EML6: variants seen among roughly 807,000 people sequenced by gnomAD.
The protein encoded by EML6 is echinoderm microtubule-associated protein-like 6.
A neutral mutation model predicts 240.1 loss-of-function variants in EML6; 154 were observed. That is an observed-to-expected ratio of 0.64 (90% confidence interval 0.56 to 0.73). EML6 has a LOEUF of 0.73. Among genes scored for constraint, EML6 ranks in the 30% least tolerant of loss-of-function variants. EML6 has a pLI of 0.00. For synonymous variants in EML6, 1,148 were observed against 899.0 expected, an observed-to-expected ratio of 1.28 and a Z score of -4.95; for missense variants, 2,964 against 2,474.6, an observed-to-expected ratio of 1.20 and a Z score of -4.20.
chr2:54,776,965 AC>A (rs1231614432), intron 2 of EML6, among the ~76,000 whole-genome samples: 1 of 152,278 alleles, frequency 6.6e-6, no homozygotes, highest in South Asian at 2.1e-4. Flanking sequence ...TTTAAAAAAA[AC>A]ACCTTTGATT....
In EML6 at chr2:54,962,535, G is replaced by A. The variant is rs1176336719; in HGVS notation, c.4981G>A (p.Val1661Met). The change falls in exon 36 of 42, where the codon GTG becomes ATG. Residue 1661 changes from valine (V) to methionine (M), a missense_variant. Transcript: ENST00000356458. ...TCAATTACAACAGGGAAAAATCTTA[G>A]TGGGAACCAAAGACGGAGAAATAAT... is the stretch of plus-strand genomic sequence containing the variant. ...SVCRGKGKIL[V>M]GTKDGEIIEV... is the part of the protein sequence containing the mutation. 4.5e-6 allele frequency: 7 copies of A among 1,545,252 alleles called. No homozygotes were observed. The Admixed American group carries it at 1.4e-4, about 31-fold the overall frequency.
intron 2 of EML6, among the ~76,000 whole-genome samples, chr2:54,799,877 C>G (rs754210062): frequency 6.6e-5 from 10 of 152,108 alleles, no homozygotes; most frequent in Admixed American, 1.3e-4. Context: ...GCTCTCTGAC[C>G]TTTGCTAGAA....
intron 2 of EML6, among the ~76,000 whole-genome samples, chr2:54,806,053 A>G (rs1468755883): frequency 6.6e-6 from 1 of 152,146 alleles, no homozygotes; most frequent in Non-Finnish European, 1.5e-5. Context: ...TTTAATAAAG[A>G]CTTTAAGCAG....
At chr2:54,967,637 G>A (rs765328711) in intron 39 of EML6, among the ~76,000 whole-genome samples, 2 of 151,936 alleles carry the variant, frequency 1.3e-5, no homozygotes, top group Admixed American at 1.3e-4. Context: ...AGGCAGAGGG[G>A]GAACAGTAAG....
intron 28 of EML6, among the ~76,000 whole-genome samples, chr2:54,932,771 C>T (rs765009267): frequency 9.8e-5 from 15 of 152,286 alleles, no homozygotes; most frequent in South Asian, 4.1e-4. Flanking sequence ...TTCCCCAATT[C>T]GTCAAGTGAT....
At chr2:54,788,005 C>A (rs958891333) in intron 2 of EML6, among the ~76,000 whole-genome samples, 1 of 152,114 alleles carries the variant, frequency 6.6e-6, no homozygotes, top group Non-Finnish European at 1.5e-5. Flanking sequence ...CAGCACACCC[C>A]ACAGCTGTTG....
intron 18 of EML6, 70 bp from the exon 19 acceptor site, chr2:54,892,384 G>A: frequency 1.0e-6 from 1 of 986,400 alleles, no homozygotes; most frequent in South Asian, 1.5e-5. Flanking sequence ...TCTCATGGAA[G>A]TAGTCCTTCT....
intron 2 of EML6, among the ~76,000 whole-genome samples, chr2:54,756,201 T>G (rs1038838485): frequency 5.3e-5 from 8 of 152,038 alleles, no homozygotes; most frequent in African/African-American, 1.7e-4. Context: ...GTGGGTGAAA[T>G]TTAGGGCTTA....
At chr2:54,924,420 A>G (rs1277211011) in intron 26 of EML6, among the ~76,000 whole-genome samples, 5 of 152,110 alleles carry the variant, frequency 3.3e-5, no homozygotes, top group Admixed American at 3.3e-4. Context: ...CCATTGTTTT[A>G]AATTATCTTT....
intron 23 of EML6, 42 bp from the exon 24 acceptor site, chr2:54,903,329 A>G (rs778239937): frequency 5.6e-5 from 87 of 1,543,062 alleles, no homozygotes; most frequent in Non-Finnish European, 7.2e-5. Context: ...GTAAATTCCT[A>G]TATAAAATGC....
rs929130183 is a variant in EML6, at chr2:54,809,853, A to G, written c.198-3379A>G. 1.1e-4 allele frequency among the ~76,000 whole-genome samples: 16 copies of G among 152,170 alleles called. 1 individual carries two copies. The highest frequency in any genetic ancestry group is 6.5e-4 in the Admixed American group (10 of 15,272). ...CAAATTTAAAATAGAAGTAAATGCC[A>G]TTTGGCTGTGCCCTGGATGAGACAT... On this transcript the variant is annotated intron_variant, in intron 2 of 41. Coordinates refer to ENST00000356458, the MANE Select transcript of EML6 (RefSeq NM_001039753.4).
Position 54,899,617 on chromosome 2 carries a change from G to A in EML6, c.2983-24G>A, listed in dbSNP as rs764838421. On this transcript the variant is annotated intron_variant, in intron 21 of 41. Transcript: ENST00000356458. ...GCCAAACAGCATAAGTAGAGTTTAT[G>A]TTGCCCCTTTTCCTCTCCCACAGGG... The A allele has an allele frequency of 2.1e-5, 32 of 1,550,384 alleles. No homozygotes were observed. In the African/African-American group the frequency reaches 4.0e-4, roughly 19 times the overall value.
intron 2 of EML6, among the ~76,000 whole-genome samples, chr2:54,810,509 CAAG>C (rs1553383856): frequency 6.6e-6 from 1 of 152,178 alleles, no homozygotes; most frequent in Non-Finnish European, 1.5e-5. Context: ...TTCAGAATCT[CAAG>C]AATCTAACAA....
chr2:54,884,276 G>C (rs1294539306), intron 17 of EML6, among the ~76,000 whole-genome samples: 1 of 152,152 alleles, frequency 6.6e-6, no homozygotes, highest in Non-Finnish European at 1.5e-5. Context: ...ACGTAGGAAG[G>C]GGCACAGAGC....
intron 8 of EML6, among the ~76,000 whole-genome samples, chr2:54,846,129 T>C (rs1159189490): frequency 6.6e-6 from 1 of 152,158 alleles, no homozygotes; most frequent in Non-Finnish European, 1.5e-5. Context: ...GCAGTGACTG[T>C]GCTTACTGGC....
rs1471492563 is a variant in EML6, at chr2:54,725,152, A to G, written c.91A>G (p.Thr31Ala). Residue 31 changes from threonine to alanine, a missense_variant, in exon 2 of 42, where the codon ACG (threonine) becomes GCG (alanine). By Grantham distance (58) the Thr-to-Ala change is moderately conservative (BLOSUM62 0). Transcript: ENST00000356458. The surrounding 1 kb of genome is among the most constrained non-coding windows in gnomAD (Gnocchi z 4.3). ...CCAGTGCCGCAACAACCTGTACTACACGGCAGGCAAGGAGGTGGTCTACTT... is the reference window on the plus strand; with the variant it reads ...CCAGTGCCGCAACAACCTGTACTACGCGGCAGGCAAGGAGGTGGTCTACTT... Reference protein sequence around the residue: ...GHQCRNNLYYTAGKEVVYFVA... With the variant: ...GHQCRNNLYYAAGKEVVYFVA... The G allele has an allele frequency of 2.6e-6, 4 of 1,536,690 alleles. No homozygotes were observed. Among genetic ancestry groups the G allele is most frequent in the East Asian group, 5.2e-5 (2 of 38,224 alleles).
At chr2:54,875,780 G>A (rs768778363) in intron 16 of EML6, among the ~76,000 whole-genome samples, 4 of 152,138 alleles carry the variant, frequency 2.6e-5, no homozygotes, top group Non-Finnish European at 5.9e-5. Context: ...TTTTTGTTTT[G>A]TGCTTGCCGT....
intron 7 of EML6, among the ~76,000 whole-genome samples, chr2:54,835,794 C>T (rs1318205372): frequency 2.0e-5 from 3 of 152,006 alleles, no homozygotes; most frequent in Non-Finnish European, 4.4e-5. Flanking sequence ...TGGATAGAGG[C>T]CAGGGAAGCT....
intron 38 of EML6, 32 bp downstream of exon 38, chr2:54,964,765 A>T: frequency 1.3e-6 from 2 of 1,546,336 alleles, no homozygotes; most frequent in Non-Finnish European, 1.8e-6. Context: ...ATCTGGGGCA[A>T]CCAATAATAA....
Sources: gnomAD v4.1 joint callset for allele counts (sites outside exome capture counted in the v4.1 genomes callset) on GRCh38, gnomAD v4.1.1 for gene constraint, Gnocchi (gnomAD v3.1) non-coding constraint, MANE v1.5 for transcripts, NCBI Gene and HGNC (gene_info 2026-07-23, HGNC 2026-07-21) for gene names.